FGFR2: variants seen among roughly 807,000 people sequenced by gnomAD.
The protein encoded by FGFR2 is fibroblast growth factor receptor 2.
A neutral mutation model predicts 95.9 loss-of-function variants in FGFR2; 19 were observed. That is an observed-to-expected ratio of 0.20 (90% confidence interval 0.14 to 0.29). FGFR2 has a LOEUF of 0.29. Ranked by LOEUF, FGFR2 falls within the 10% of genes least tolerant of loss-of-function variation. The pLI, the probability that FGFR2 is intolerant of heterozygous loss-of-function variation, is 1.00. For synonymous variants in FGFR2, 392 were observed against 393.3 expected (o/e 1.00, Z 0.04); for missense variants, 707 against 1,056.9 (o/e 0.67, Z 4.59).
Position 121,531,716 on chromosome 10 carries a change from GGC to G in FGFR2, c.748+6874_748+6875del, listed in dbSNP as rs1852098953. Among the ~76,000 whole-genome samples the G allele has an allele frequency of 6.6e-6, 1 of 152,150 alleles. No homozygotes were observed. Among genetic ancestry groups the G allele is most frequent in the Admixed American group, 6.5e-5 (1 of 15,282 alleles). Reference sequence around the variant, plus strand: ...CTCAGAGGTTCCATGCCTTTTCTAAGGCCATAGAGTTAGCAAGGGTGGAAACA... The same window carrying G: ...CTCAGAGGTTCCATGCCTTTTCTAAGCATAGAGTTAGCAAGGGTGGAAACA... On this transcript the variant is annotated intron_variant, in intron 6 of 17. Transcript: ENST00000358487. This position sits in a 1 kb window ranked among gnomAD's most constrained non-coding sequence, Gnocchi z 4.5.
At chr10:121,497,130 C>CAAAAA (rs35537265) in intron 12 of FGFR2, among the ~76,000 whole-genome samples, 6 of 91,446 alleles carry the variant, frequency 6.6e-5, no homozygotes, top group Non-Finnish European at 9.4e-5. Context: ...GACTTTGTCT[C>CAAAAA]AAAAAAAAAA....
intron 2 of FGFR2, among the ~76,000 whole-genome samples, chr10:121,592,216 A>T (rs1862760518): frequency 6.6e-6 from 1 of 152,160 alleles, no homozygotes; most frequent in Non-Finnish European, 1.5e-5. Context: ...ATTATTAGCA[A>T]AATTAAAGAC....
chr10:121,556,433 C>CTCTCTCTCTA (rs60584824), intron 4 of FGFR2, among the ~76,000 whole-genome samples: 3,252 of 140,624 alleles, frequency 0.023, 222 homozygotes, highest in African/African-American at 0.083. Context: ...CTCTCTCTCT[C>CTCTCTCTCTA]TGGAACCAAA....
chr10:121,494,377 A>AC, intron 13 of FGFR2, among the ~76,000 whole-genome samples: 1 of 152,104 alleles, frequency 6.6e-6, no homozygotes, highest in South Asian at 2.1e-4. Context: ...AGGGCATGAG[A>AC]CATCGGGGGT....
chr10:121,569,792 G>A (rs1858307533), intron 2 of FGFR2, among the ~76,000 whole-genome samples: 1 of 152,186 alleles, frequency 6.6e-6, no homozygotes, highest in South Asian at 2.1e-4. Context: ...GAGAAAGCAA[G>A]GACTCCTCCC....
In FGFR2 at chr10:121,538,581, G is replaced by A. The variant is rs890969550; in HGVS notation, c.748+11C>T. On this transcript the variant is annotated intron_variant, in intron 6 of 17. Transcript: ENST00000358487. Reference sequence around the variant, plus strand: ...GGTATGCAGCCGCCACACGAGGAGAGGCAAACTCACCCACAACATCCAGGT... The same window carrying A: ...GGTATGCAGCCGCCACACGAGGAGAAGCAAACTCACCCACAACATCCAGGT... 8.1e-6 allele frequency: 13 copies of A among 1,614,198 alleles called. No individual in the cohort carries two copies. Among genetic ancestry groups the A allele is most frequent in the Non-Finnish European group, 1.1e-5 (13 of 1,180,042 alleles).
intron 2 of FGFR2, among the ~76,000 whole-genome samples, chr10:121,577,185 A>AGAGAGAGAGAGAGAGAGAGG (rs1860010367): frequency 1.7e-5 from 2 of 114,836 alleles, no homozygotes; most frequent in African/African-American, 3.6e-5. Flanking sequence ...ATATAGAGAG[A>AGAGAGAGAGAGAGAGAGAGG]GAGAGAGAGA....
intron 17 of FGFR2, chr10:121,482,186 A>G: frequency 2.5e-6 from 4 of 1,611,790 alleles, no homozygotes; most frequent in Non-Finnish European, 3.4e-6. Flanking sequence ...ATCTGATAGG[A>G]AAAAAACAGG....
Position 121,538,653 on chromosome 10 carries a change from A to G in FGFR2, c.687T>C (p.Tyr229=). The G allele has an allele frequency of 1.9e-6, 3 of 1,614,180 alleles. No individual in the cohort carries two copies. The highest frequency in any genetic ancestry group is 2.5e-6 in the Non-Finnish European group (3 of 1,180,016). ...ESVVPSDKGN[Y]TCVVENEYGS... is the part of the protein sequence containing the mutation. The stretch of plus-strand genomic sequence containing the variant: ...CGTATTCATTCTCCACTACACAGGT[A>G]TAATTTCCCTTGTCAGATGGGACCA... The change falls in exon 6 of 18, where the codon TAT becomes TAC. Residue 229 remains tyrosine (Y), a synonymous_variant. Coordinates refer to ENST00000358487, the MANE Select transcript of FGFR2 (RefSeq NM_000141.5).
intron 17 of FGFR2, among the ~76,000 whole-genome samples, chr10:121,481,552 T>C (rs1314118112): frequency 6.6e-6 from 1 of 152,138 alleles, no homozygotes; most frequent in Admixed American, 6.6e-5. Flanking sequence ...GCCCACCACA[T>C]CAAAAGAGAA....
intron 17 of FGFR2, chr10:121,480,403 G>A (rs990608363): frequency 8.2e-5 from 25 of 306,170 alleles, no homozygotes; most frequent in Middle Eastern, 9.5e-4. Flanking sequence ...AACCCGCTGA[G>A]TCTACACCAC....
chr10:121,479,780 T>TG lies in FGFR2; in HGVS notation c.*76dup, dbSNP rs1179215840. On this transcript the variant is annotated 3_prime_UTR_variant, in exon 18 of 18. Coordinates refer to ENST00000358487, the MANE Select transcript of FGFR2 (RefSeq NM_000141.5). ...ATATACAAGTGGAGACAACAAGCTC[T>TG]GGGAGGCATGGTCTCCCTGCTCAGT... is the stretch of plus-strand genomic sequence containing the variant. 1 of 1,613,220 alleles carries TG rather than the reference T, an allele frequency of 6.2e-7. No homozygotes were observed. Among genetic ancestry groups the TG allele is most frequent in the Non-Finnish European group, 8.5e-7 (1 of 1,179,328 alleles).
At chr10:121,506,724 A>G (rs1378517070) in intron 9 of FGFR2, among the ~76,000 whole-genome samples, 2 of 152,180 alleles carry the variant, frequency 1.3e-5, no homozygotes, top group Non-Finnish European at 2.9e-5. Flanking sequence ...AGGGCACTTA[A>G]ACGTTTCTGG....
In FGFR2 at chr10:121,503,885, T is replaced by C. The variant is rs766502777; in HGVS notation, c.1344A>G (p.Thr448=). The C allele has an allele frequency of 1.2e-6, 2 of 1,614,036 alleles. No homozygotes were observed. The highest frequency in any genetic ancestry group is 1.7e-6 in the Non-Finnish European group (2 of 1,179,990). The change falls in exon 10 of 18, where the codon ACA becomes ACG. Residue 448 remains threonine (T), a synonymous_variant. Transcript: ENST00000358487. ...MNSNTPLVRI[T]TRLSSTADTP... ...TGTCTGCCGTTGAAGAGAGGCGTGT[T>C]GTTATCCTCACCAGCGGGGTGTTGG...
intron 6 of FGFR2, among the ~76,000 whole-genome samples, chr10:121,528,955 C>T (rs1486302185): frequency 6.6e-6 from 1 of 152,154 alleles, no homozygotes; most frequent in Non-Finnish European, 1.5e-5. Flanking sequence ...GAGATGGAGT[C>T]TCGCTCTGTT....
chr10:121,486,258 G>A (rs976617469), intron 15 of FGFR2, among the ~76,000 whole-genome samples: 10 of 152,128 alleles, frequency 6.6e-5, no homozygotes, highest in African/African-American at 1.9e-4. Context: ...GTTTCACTCC[G>A]CAGTTTTCTA....
intron 9 of FGFR2, among the ~76,000 whole-genome samples, chr10:121,504,884 C>T (rs554715132): frequency 7.2e-5 from 11 of 152,258 alleles, no homozygotes; most frequent in South Asian, 2.1e-4. Flanking sequence ...AGGATGACTA[C>T]GCAATCTTAG....
intron 6 of FGFR2, among the ~76,000 whole-genome samples, chr10:121,525,542 C>T (rs971803159): frequency 6.6e-6 from 1 of 152,130 alleles, no homozygotes; most frequent in Non-Finnish European, 1.5e-5. Context: ...TCAAGCCCTG[C>T]TCTGTAGCTG....
rs1418102531 is a variant in FGFR2 at position 121,485,971 on chromosome 10, T to A, written c.2058-439A>T. Among the ~76,000 whole-genome samples the A allele has an allele frequency of 6.6e-6, 1 of 152,170 alleles. No individual in the cohort carries two copies. Among genetic ancestry groups the A allele is most frequent in the African/African-American group, 2.4e-5 (1 of 41,450 alleles). Reference sequence around the variant, plus strand: ...GCTGCCCTGTGTGGCTGGCGGAACATCTGCTGCACAGAGGCTCTGGAACTT... The same window carrying A: ...GCTGCCCTGTGTGGCTGGCGGAACAACTGCTGCACAGAGGCTCTGGAACTT... On this transcript the variant is annotated intron_variant, in intron 15 of 17. Transcript: ENST00000358487. The surrounding 1 kb of genome is among the most constrained non-coding windows in gnomAD (Gnocchi z 4.2).
Sources: gnomAD v4.1 joint callset for allele counts (sites outside exome capture counted in the v4.1 genomes callset) on GRCh38, gnomAD v4.1.1 for gene constraint, Gnocchi (gnomAD v3.1) non-coding constraint, MANE v1.5 for transcripts, NCBI Gene and HGNC (gene_info 2026-07-23, HGNC 2026-07-21) for gene names.